Variants in SPATS2L observed in about 807,000 individuals in gnomAD.
The protein encoded by SPATS2L is spermatogenesis associated serine rich 2 like, also known as SPATS2-like protein.
A neutral mutation model predicts 59.6 loss-of-function variants in SPATS2L; 30 were observed. The ratio of observed to expected loss-of-function variants is 0.50; its 90% CI spans 0.38 to 0.68. The LOEUF (loss-of-function observed/expected upper bound fraction) is 0.68, where lower values mean the gene tolerates loss of function less well. SPATS2L is among the 30% of genes least tolerant of loss of function. The pLI is 0.00. For missense variants in SPATS2L, 615 were observed against 700.0 expected (o/e 0.88, Z 1.37); for synonymous variants, 252 against 263.5 (o/e 0.96, Z 0.42).
At chr2:200,452,744 G>A (rs1315445482) in intron 8 of SPATS2L, among the ~76,000 whole-genome samples, 2 of 152,158 alleles carry the variant, frequency 1.3e-5, no homozygotes, top group Admixed American at 6.5e-5. Flanking sequence ...CCGGATGAGC[G>A]TGATTAGTAG....
At chr2:200,395,856 C>T (rs2082312539) in intron 3 of SPATS2L, among the ~76,000 whole-genome samples, 1 of 150,250 alleles carries the variant, frequency 6.7e-6, no homozygotes, top group Non-Finnish European at 1.5e-5. Context: ...ACTAAAAATA[C>T]AAAAATTAGC....
chr2:200,372,739 A>G (rs895524680), intron 2 of SPATS2L, among the ~76,000 whole-genome samples: 2 of 152,130 alleles, frequency 1.3e-5, no homozygotes, highest in Admixed American at 6.5e-5. Flanking sequence ...GAGAGGTTTC[A>G]GTCCCAGCCT....
At chr2:200,413,255 AT>A (rs2082946766) in intron 4 of SPATS2L, among the ~76,000 whole-genome samples, 2 of 152,100 alleles carry the variant, frequency 1.3e-5, no homozygotes, top group South Asian at 4.2e-4. Context: ...TTAGTTTATG[AT>A]TTTTAGATTG....
At chr2:200,430,205 T>C (rs1307033158) in intron 6 of SPATS2L, among the ~76,000 whole-genome samples, 1 of 152,194 alleles carries the variant, frequency 6.6e-6, no homozygotes, top group Non-Finnish European at 1.5e-5. Flanking sequence ...GGAACAAAGA[T>C]GGGCACTCAC....
intron 8 of SPATS2L, among the ~76,000 whole-genome samples, chr2:200,442,630 T>C (rs776429160): frequency 8.5e-5 from 13 of 152,260 alleles, no homozygotes; most frequent in Non-Finnish European, 1.5e-4. Context: ...GTGACTCATA[T>C]ACTAATTGAC....
intron 3 of SPATS2L, among the ~76,000 whole-genome samples, chr2:200,407,083 C>G (rs2082712033): frequency 6.6e-6 from 1 of 152,124 alleles, no homozygotes; most frequent in South Asian, 2.1e-4. Context: ...CTGGAAGGAC[C>G]CCTTAATGCA....
At chr2:200,353,144 T>C (rs2080798541) in intron 2 of SPATS2L, among the ~76,000 whole-genome samples, 1 of 152,218 alleles carries the variant, frequency 6.6e-6, no homozygotes, top group African/African-American at 2.4e-5. Context: ...AAAAATACCT[T>C]GATTTTAGAC....
chr2:200,347,425 G>T (rs754389157), intron 2 of SPATS2L, among the ~76,000 whole-genome samples: 17 of 152,118 alleles, frequency 1.1e-4, no homozygotes, highest in Non-Finnish European at 2.2e-4. Context: ...CTGGTCACAG[G>T]ATGGTCAAGT....
In SPATS2L at chr2:200,329,487, A is replaced by G. The variant is rs1267371849; in HGVS notation, c.-23+7A>G. The G allele has an allele frequency of 3.2e-6, 5 of 1,549,538 alleles. No individual in the cohort carries two copies. In the East Asian group the frequency reaches 1.2e-4, roughly 38 times the overall value. On this transcript the variant is annotated splice_region_variant and intron_variant, in intron 2 of 12. Transcript: ENST00000409140. The stretch of plus-strand genomic sequence containing the variant: ...CATTGCTGTGGATTCCCAGGTGAGT[A>G]GAGATGGTCCTTCCCTCTCTGTGAC...
chr2:200,343,167 A>G (rs1450793474), intron 2 of SPATS2L, among the ~76,000 whole-genome samples: 1 of 152,192 alleles, frequency 6.6e-6, no homozygotes, highest in African/African-American at 2.4e-5. Flanking sequence ...CACTACAATA[A>G]TATTGTCAGG....
chr2:200,328,851 A>G (rs917981995), intron 1 of SPATS2L, among the ~76,000 whole-genome samples: 1 of 152,206 alleles, frequency 6.6e-6, no homozygotes, highest in Non-Finnish European at 1.5e-5. Context: ...TGTACTTTAT[A>G]GGATATCTTT....
upstream of SPATS2L, chr2:200,306,525 CA>C (rs973504815): frequency 3.0e-4 from 296 of 1,002,050 alleles, no homozygotes; most frequent in Non-Finnish European, 3.3e-4. Context: ...TGAGCGGATA[CA>C]AAACCCGAGA....
chr2:200,419,932 C>G (rs962412191), intron 6 of SPATS2L, among the ~76,000 whole-genome samples: 1 of 152,056 alleles, frequency 6.6e-6, no homozygotes, highest in African/African-American at 2.4e-5. Flanking sequence ...TATATAGACA[C>G]ATTTGCTAGA....
At chr2:200,309,081 G>A (rs758743115) in intron 1 of SPATS2L, 17 of 717,846 alleles carry the variant, frequency 2.4e-5, no homozygotes, top group Non-Finnish European at 3.1e-5. Context: ...TTATGGACCC[G>A]TTTTGCCATG....
At chr2:200,394,081 A>G (rs915566101) in intron 3 of SPATS2L, among the ~76,000 whole-genome samples, 14 of 152,240 alleles carry the variant, frequency 9.2e-5, no homozygotes, top group Non-Finnish European at 1.8e-4. Context: ...AAAATTGACA[A>G]TCATTTTAAC....
intron 3 of SPATS2L, among the ~76,000 whole-genome samples, chr2:200,406,431 G>C (rs1419887755): frequency 6.6e-6 from 1 of 151,092 alleles, no homozygotes; most frequent in Admixed American, 6.6e-5. Context: ...AAAAAAAGAG[G>C]TTATTATTAT....
At position 200,461,856 on chromosome 2, in the gene SPATS2L, T is replaced by C. The variant is rs576296970; in HGVS notation, c.847+2029T>C. Among the ~76,000 whole-genome samples the C allele has an allele frequency of 2.6e-5, 4 of 152,372 alleles. No individual in the cohort carries two copies. The East Asian group carries it at 7.7e-4, about 29-fold the overall frequency. Reference sequence around the variant, plus strand: ...TTTTGTTACACAGTTTTCTAAATTATTTTGTTATTCATTTCAGACCTCCTT... The same window carrying C: ...TTTTGTTACACAGTTTTCTAAATTACTTTGTTATTCATTTCAGACCTCCTT... On this transcript the variant is annotated intron_variant, in intron 9 of 12. Coordinates refer to ENST00000409140, the MANE Select transcript of SPATS2L (RefSeq NM_001100423.2).
chr2:200,370,981 T>G (rs2105891013), intron 2 of SPATS2L, among the ~76,000 whole-genome samples: 1 of 152,128 alleles, frequency 6.6e-6, no homozygotes, highest in Admixed American at 6.5e-5. Flanking sequence ...GCACTTAAGG[T>G]TCAAAAAGAA....
chr2:200,365,375 G>A (rs1301548777), intron 2 of SPATS2L, among the ~76,000 whole-genome samples: 2 of 152,148 alleles, frequency 1.3e-5, no homozygotes, highest in Admixed American at 6.5e-5. Flanking sequence ...CAGCTGTACC[G>A]GCTTGGCTGG....
Sources: allele counts gnomAD v4.1 joint callset (sites outside exome capture counted in the v4.1 genomes callset), GRCh38; gene constraint gnomAD v4.1.1; transcripts MANE v1.5; gene names NCBI Gene and HGNC (gene_info 2026-07-23, HGNC 2026-07-21).